Variants in CLDN14 observed in about 807,000 individuals in gnomAD.
The protein encoded by CLDN14 is claudin-14.
A neutral mutation model predicts 2.1 loss-of-function variants in CLDN14; 2 were observed. The ratio of observed to expected loss-of-function variants is 0.96; its 90% confidence interval spans 0.39 to 3.01. The LOEUF (loss-of-function observed/expected upper bound fraction) is 3.01. Ranked by LOEUF, CLDN14 falls within the 30% of genes most tolerant of loss-of-function variation. The pLI is 0.09. For synonymous variants in CLDN14, 136 were observed against 154.4 expected, an observed-to-expected ratio of 0.88 and a Z score of 0.88; for missense variants, 298 against 328.0, an observed-to-expected ratio of 0.91 and a Z score of 0.71.
chr21:36,523,973 A>G (rs1039910754), intron 1 of CLDN14, among the ~76,000 whole-genome samples: 5 of 152,082 alleles, frequency 3.3e-5, no homozygotes, highest in African/African-American at 1.2e-4. Context: ...ACCACCCTGA[A>G]TGCCAGTTCC....
intron 1 of CLDN14, among the ~76,000 whole-genome samples, chr21:36,553,052 TTGGG>T (rs1336741555): frequency 4.6e-5 from 7 of 152,218 alleles, no homozygotes; most frequent in Non-Finnish European, 8.8e-5. Flanking sequence ...TCCCTTGGCC[TTGGG>T]CCTCAACAGG....
chr21:36,468,916 C>G (rs1204511836), intron 1 of CLDN14, among the ~76,000 whole-genome samples: 1 of 151,944 alleles, frequency 6.6e-6, no homozygotes, highest in Non-Finnish European at 1.5e-5. Context: ...CCCACTACCA[C>G]GTCTGGCTAA....
upstream of CLDN14, among the ~76,000 whole-genome samples, chr21:36,481,400 T>C (rs1315715337): frequency 6.6e-6 from 1 of 152,240 alleles, no homozygotes; most frequent in Non-Finnish European, 1.5e-5. Context: ...ATATTATCTA[T>C]AATTTTATGC....
At chr21:36,483,048 G>T (rs2086863470), upstream of CLDN14, among the ~76,000 whole-genome samples, 1 of 152,214 alleles carries the variant, frequency 6.6e-6, no homozygotes, top group South Asian at 2.1e-4. Flanking sequence ...CCCGCCCAAG[G>T]TCATACACCT....
chr21:36,546,741 C>A (rs2087528408), intron 1 of CLDN14, among the ~76,000 whole-genome samples: 1 of 152,200 alleles, frequency 6.6e-6, no homozygotes, highest in Non-Finnish European at 1.5e-5. Flanking sequence ...AACTTACAGC[C>A]AACCTTTAAA....
chr21:36,552,175 G>A (rs1021263919), intron 1 of CLDN14, among the ~76,000 whole-genome samples: 1 of 152,174 alleles, frequency 6.6e-6, no homozygotes, highest in Admixed American at 6.5e-5. Flanking sequence ...TCTGAAACAC[G>A]TTCAGAAGAA....
chr21:36,538,158 A>G (rs1375396023), intron 1 of CLDN14, among the ~76,000 whole-genome samples: 2 of 152,208 alleles, frequency 1.3e-5, no homozygotes, highest in African/African-American at 2.4e-5. Flanking sequence ...ATGGAGGTCT[A>G]TGAAAGTCCA....
rs1257198582 is a variant in CLDN14 at position 36,522,805 on chromosome 21, T to G, written c.-219-12305A>C. 2.0e-5 allele frequency among the ~76,000 whole-genome samples: 3 copies of G among 151,426 alleles called. No homozygotes were observed. The South Asian group carries it at 6.3e-4, about 32-fold the overall frequency. ...TTATCCCAAGATGACTTCTTCCCAT[T>G]CCATTTTAATTATCCGCTGGGTCTC... is the stretch of plus-strand genomic sequence containing the variant. On this transcript the variant is annotated intron_variant, in intron 1 of 2. Transcript: ENST00000342108.
chr21:36,570,973 C>G (rs1451813705), intron 1 of CLDN14, among the ~76,000 whole-genome samples: 3 of 152,226 alleles, frequency 2.0e-5, no homozygotes, highest in African/African-American at 7.2e-5. Context: ...TCCTGAGTAG[C>G]TGGGATTACA....
chr21:36,461,713 A>G lies in CLDN14; in HGVS notation c.-18T>C. ...CTGGCCATGGTGCGGCTGCCTGCCT[A>G]GGCCAGCCGGGCAGCTCCCTGGGCC... is the stretch of plus-strand genomic sequence containing the variant. On this transcript the variant is annotated 5_prime_UTR_variant, in exon 2 of 2. The change abolishes the stop of an existing upstream ORF in the 5' untranslated region. Coordinates refer to ENST00000399135, the MANE Select transcript of CLDN14 (RefSeq NM_001146079.2). 1 of 1,547,442 alleles carries G rather than the reference A, an allele frequency of 6.5e-7. No homozygotes were observed. The highest frequency in any genetic ancestry group is 8.7e-7 in the Non-Finnish European group (1 of 1,146,604).
intron 1 of CLDN14, among the ~76,000 whole-genome samples, chr21:36,565,813 C>A (rs2087669293): frequency 6.6e-6 from 1 of 152,204 alleles, no homozygotes; most frequent in African/African-American, 2.4e-5. Context: ...TCTCATCCCC[C>A]TTGCCACAGC....
chr21:36,556,144 T>G (rs2087598036), intron 1 of CLDN14, among the ~76,000 whole-genome samples: 1 of 152,186 alleles, frequency 6.6e-6, no homozygotes, highest in African/African-American at 2.4e-5. Flanking sequence ...GACCCTTTCT[T>G]CTTCCAGTTT....
chr21:36,477,764 GC>G (rs1252930904), intron 1 of CLDN14, among the ~76,000 whole-genome samples: 54 of 152,302 alleles, frequency 3.5e-4, no homozygotes, highest in African/African-American at 1.3e-3. Context: ...AGCAGCTTAG[GC>G]CCAGGAGCCC....
intron 1 of CLDN14, among the ~76,000 whole-genome samples, chr21:36,478,347 T>C (rs1359074218): frequency 6.6e-6 from 1 of 152,224 alleles, no homozygotes; most frequent in African/African-American, 2.4e-5. Flanking sequence ...TTCTGACTAA[T>C]CTTGGGCAAG....
At chr21:36,569,737 G>A (rs1217190407) in intron 1 of CLDN14, among the ~76,000 whole-genome samples, 1 of 152,232 alleles carries the variant, frequency 6.6e-6, no homozygotes. Context: ...GTAATAGGGA[G>A]AGAGAGCCAT....
At chr21:36,527,332 A>T (rs1241294473) in intron 1 of CLDN14, among the ~76,000 whole-genome samples, 2 of 152,310 alleles carry the variant, frequency 1.3e-5, no homozygotes, top group Admixed American at 1.3e-4. Context: ...TATTTTAAAA[A>T]ATACTTAGCT....
intron 1 of CLDN14, among the ~76,000 whole-genome samples, chr21:36,556,764 G>A (rs2087601677): frequency 6.6e-6 from 1 of 152,144 alleles, no homozygotes; most frequent in Non-Finnish European, 1.5e-5. Flanking sequence ...CCTGATTTTG[G>A]TGGATTCTCT....
chr21:36,572,469 T>A (rs1365218716), intron 1 of CLDN14, among the ~76,000 whole-genome samples: 1 of 152,136 alleles, frequency 6.6e-6, no homozygotes, highest in African/African-American at 2.4e-5. Flanking sequence ...TGGCCCAAGA[T>A]TGAAGAGGAA....
At chr21:36,575,259 G>C (rs1313357863) in intron 1 of CLDN14, among the ~76,000 whole-genome samples, 1 of 152,180 alleles carries the variant, frequency 6.6e-6, no homozygotes, top group Non-Finnish European at 1.5e-5. Flanking sequence ...CTGAGGCTTA[G>C]GGGTGCCAAA....
Sources: allele counts gnomAD v4.1 joint callset (sites outside exome capture counted in the v4.1 genomes callset), GRCh38; gene constraint gnomAD v4.1.1; transcripts MANE v1.5; gene names NCBI Gene and HGNC (gene_info 2026-07-23, HGNC 2026-07-21).